The following LIMS1 variants were observed in gnomAD, a reference collection of about 807,000 sequenced individuals.
LIMS1 encodes the protein LIM zinc finger domain containing 1.
In LIMS1, 18 loss-of-function variants were observed where a neutral mutation model predicts 44.1. That is an observed-to-expected ratio of 0.41 (90% confidence interval 0.28 to 0.61). The LOEUF is 0.61. LIMS1 is among the 20% of genes least tolerant of loss of function. LIMS1 has a pLI of 0.32. For synonymous variants in LIMS1, 93 were observed against 149.1 expected (o/e 0.62, Z 2.74); for missense variants, 201 against 422.0 (o/e 0.48, Z 4.59).
At chr2:108,638,286 G>C (rs772187563) in intron 1 of LIMS1, among the ~76,000 whole-genome samples, 2 of 152,370 alleles carry the variant, frequency 1.3e-5, no homozygotes, top group Non-Finnish European at 2.9e-5. Flanking sequence ...TTACGCCAAA[G>C]GCAACGAGCT....
chr2:108,600,891 TTCTTCTCTTCTCTTC>T lies in LIMS1; in HGVS notation c.33-58684_33-58670del, dbSNP rs150372618. 3.3e-4 allele frequency among the ~76,000 whole-genome samples: 30 copies of T among 90,946 alleles called. 1 individual carries two copies. Among genetic ancestry groups the T allele is most frequent in the South Asian group, 2.6e-3 (8 of 3,096 alleles). 59.7% of individuals were successfully genotyped at this position (90,946 alleles called of 152,430 possible). A position where few individuals can be genotyped will look rare whatever the true frequency, so the allele number is the denominator to read the frequency against. On this transcript the variant is annotated intron_variant, in intron 1 of 9. Coordinates refer to ENST00000544547, the Ensembl canonical transcript of LIMS1. Reference sequence around the variant, plus strand: ...TCCACATAAATTTTAGAATTGTTCGTTCTTCTCTTCTCTTCTCTTCTCTTCTCTTCTCTTCTCTTC... The same window carrying T: ...TCCACATAAATTTTAGAATTGTTCGTTCTTCTCTTCTCTTCTCTTCTCTTC...
At chr2:108,649,932 G>A (rs1340981984) in intron 1 of LIMS1, among the ~76,000 whole-genome samples, 6 of 152,094 alleles carry the variant, frequency 3.9e-5, no homozygotes, top group Admixed American at 6.6e-5. Context: ...AAACCTGCAC[G>A]TTCTGCACAT....
chr2:108,645,404 G>A (rs935573003), intron 1 of LIMS1, among the ~76,000 whole-genome samples: 1 of 152,098 alleles, frequency 6.6e-6, no homozygotes, highest in Non-Finnish European at 1.5e-5. Context: ...AGCTTCATAA[G>A]CGAAGGAGAA....
chr2:108,589,342 CA>C (rs1401092110), intron 1 of LIMS1, among the ~76,000 whole-genome samples: 1 of 152,056 alleles, frequency 6.6e-6, no homozygotes, highest in Non-Finnish European at 1.5e-5. Context: ...TTCGTGGTAA[CA>C]ACACTTAAAA....
chr2:108,542,339 C>T (rs1684342073), intron 1 of LIMS1, among the ~76,000 whole-genome samples: 1 of 152,216 alleles, frequency 6.6e-6, no homozygotes, highest in Non-Finnish European at 1.5e-5. Context: ...TTACCTACTT[C>T]CACACAAATA....
At chr2:108,679,202 GGCTCAGTGGCTCAC>G (rs1185818300) in intron 8 of LIMS1, among the ~76,000 whole-genome samples, 1 of 151,848 alleles carries the variant, frequency 6.6e-6, no homozygotes, top group Non-Finnish European at 1.5e-5. Flanking sequence ...GATAGGACCA[GGCTCAGTGGCTCAC>G]GCCTGTGATC....
chr2:108,609,590 G>A (rs1476711197), intron 1 of LIMS1, among the ~76,000 whole-genome samples: 1 of 151,908 alleles, frequency 6.6e-6, no homozygotes, highest in African/African-American at 2.4e-5. Flanking sequence ...CCTTTTCCTG[G>A]TGCCATTCTT....
exon 10 of LIMS1, chr2:108,686,376 G>A (rs184657324): frequency 6.6e-6 from 1 of 152,134 alleles, no homozygotes; most frequent in Admixed American, 6.5e-5. Context: ...AACTTGCTAA[G>A]CCTGTAATAC....
At chr2:108,645,555 A>G (rs1690003069) in intron 1 of LIMS1, among the ~76,000 whole-genome samples, 1 of 152,240 alleles carries the variant, frequency 6.6e-6, no homozygotes, top group Non-Finnish European at 1.5e-5. Context: ...AATTGTAAAG[A>G]CTATCAATGC....
intron 1 of LIMS1, among the ~76,000 whole-genome samples, chr2:108,635,622 C>T (rs1689194729): frequency 7.3e-6 from 1 of 136,746 alleles, no homozygotes; most frequent in Non-Finnish European, 1.7e-5. Flanking sequence ...ATTGCTTGAA[C>T]CCAGGAGGGG....
At chr2:108,593,239 T>A (rs1686497934) in intron 1 of LIMS1, among the ~76,000 whole-genome samples, 1 of 152,218 alleles carries the variant, frequency 6.6e-6, no homozygotes, top group Admixed American at 6.5e-5. Context: ...ATGGTTTTTC[T>A]CTACTTCCAA....
chr2:108,624,846 A>C (rs1290497999), intron 1 of LIMS1, among the ~76,000 whole-genome samples: 1 of 152,226 alleles, frequency 6.6e-6, no homozygotes, highest in Non-Finnish European at 1.5e-5. Context: ...TGGGAGGCCG[A>C]GGCAGGCAGA....
chr2:108,573,465 G>A (rs1016677807), intron 1 of LIMS1, among the ~76,000 whole-genome samples: 7 of 151,582 alleles, frequency 4.6e-5, no homozygotes, highest in African/African-American at 1.7e-4. Context: ...CAGCTGATGG[G>A]AAAAGCATTT....
chr2:108,683,153 T>C (rs1462012757), intron 9 of LIMS1, among the ~76,000 whole-genome samples: 2 of 152,208 alleles, frequency 1.3e-5, no homozygotes, highest in African/African-American at 4.8e-5. Context: ...TTAAAAACTT[T>C]CTTCCAACCT....
chr2:108,644,071 G>T (rs1011902801), intron 1 of LIMS1, among the ~76,000 whole-genome samples: 2 of 152,178 alleles, frequency 1.3e-5, no homozygotes, highest in Non-Finnish European at 2.9e-5. Flanking sequence ...CTTAGGGGAA[G>T]GGGTGGTTGT....
At chr2:108,647,063 A>G (rs1394953496) in intron 1 of LIMS1, among the ~76,000 whole-genome samples, 1 of 152,164 alleles carries the variant, frequency 6.6e-6, no homozygotes, top group African/African-American at 2.4e-5. Context: ...TAGATAGACC[A>G]CTAGTGAGAA....
intron 1 of LIMS1, among the ~76,000 whole-genome samples, chr2:108,581,734 TCAAGACCAGCCTGAC>T (rs1685893133): frequency 6.6e-6 from 1 of 152,096 alleles, no homozygotes; most frequent in African/African-American, 2.4e-5. Flanking sequence ...GGTCAGGAGT[TCAAGACCAGCCTGAC>T]CAACGTGGTG....
rs370729355 is a variant in LIMS1, at chr2:108,677,953, C to A, written c.775-26C>A. 7.2e-4 allele frequency: 1,148 copies of A among 1,588,948 alleles called. 1 individual carries two copies. Among genetic ancestry groups the A allele is most frequent in the South Asian group, 1.1e-3 (99 of 87,406 alleles). On this transcript the variant is annotated intron_variant, in intron 7 of 9. Coordinates refer to ENST00000544547, the Ensembl canonical transcript of LIMS1. ...TCTAAAAATTCTAACACATCTTGAA[C>A]TTTGACCACCTTTTTTTATTTTCAG...
chr2:108,642,954 A>C (rs971305643), intron 1 of LIMS1, among the ~76,000 whole-genome samples: 2 of 152,144 alleles, frequency 1.3e-5, no homozygotes, highest in Non-Finnish European at 2.9e-5. Flanking sequence ...TAACCAAGCT[A>C]TTGGACTCAT....
Sources: allele counts gnomAD v4.1 joint callset (sites outside exome capture counted in the v4.1 genomes callset), GRCh38; gene constraint gnomAD v4.1.1; transcripts MANE v1.5; gene names NCBI Gene and HGNC (gene_info 2026-07-23, HGNC 2026-07-21).